Variants in PRH1 observed in about 807,000 individuals in gnomAD.
PRH1 encodes proline rich protein HaeIII subfamily 1, also known as salivary acidic proline-rich phosphoprotein 1/2.
A neutral mutation model predicts 7.9 loss-of-function variants in PRH1; 7 were observed. The observed-to-expected ratio is 0.89, with a 90% CI of 0.50 to 1.67. The LOEUF is 1.67. Among genes scored for constraint, PRH1 ranks in the 40% most tolerant of loss-of-function variants. The pLI is 0.00. For synonymous variants in PRH1, 45 were observed against 80.8 expected, an observed-to-expected ratio of 0.56 and a Z score of 2.38; for missense variants, 109 against 223.6, an observed-to-expected ratio of 0.49 and a Z score of 3.27.
At chr12:10,989,055 G>A (rs200683424) in intron 1 of PRH1, among the ~76,000 whole-genome samples, 108 of 152,208 alleles carry the variant, frequency 7.1e-4, no homozygotes, top group East Asian at 5.4e-3. Context: ...TGATCCACCC[G>A]CCTCGGCCTC....
downstream of PRH1, among the ~76,000 whole-genome samples, chr12:11,116,109 C>CCTGTTTT (rs1945724295): frequency 6.6e-6 from 1 of 151,776 alleles, no homozygotes; most frequent in African/African-American, 2.4e-5. Context: ...GAAACAAAAA[C>CCTGTTTT]CTGTTTTCTT....
intron 1 of PRH1, among the ~76,000 whole-genome samples, chr12:11,113,646 T>C (rs1337826434): frequency 2.6e-5 from 4 of 152,178 alleles, no homozygotes; most frequent in African/African-American, 7.2e-5. Flanking sequence ...ATTCAGGACG[T>C]AGGCATGAGC....
chr12:11,111,041 C>G (rs1301077346), intron 1 of PRH1, among the ~76,000 whole-genome samples: 1 of 151,872 alleles, frequency 6.6e-6, no homozygotes, highest in African/African-American at 2.4e-5. Flanking sequence ...CAACAAAGGT[C>G]AAAAAAGACA....
chr12:11,117,729 C>T (rs547568912), downstream of PRH1, among the ~76,000 whole-genome samples: 6 of 152,184 alleles, frequency 3.9e-5, no homozygotes, highest in East Asian at 9.6e-4. Context: ...ACACATAGAA[C>T]GATGGAACAG....
intron 2 of PRH1, among the ~76,000 whole-genome samples, chr12:10,905,141 T>C (rs1170593810): frequency 6.6e-6 from 1 of 151,820 alleles, no homozygotes; most frequent in East Asian, 1.9e-4. Context: ...GAACTTAAAA[T>C]AAACTACCAT....
chr12:11,051,151 C>A (rs796122634), upstream of PRH1, among the ~76,000 whole-genome samples: 1 of 124,590 alleles, frequency 8.0e-6, no homozygotes, highest in Non-Finnish European at 1.8e-5. Flanking sequence ...ATGTCCACCC[C>A]TGTTGTGTCA....
At chr12:11,083,367 A>C in intron 1 of PRH1, among the ~76,000 whole-genome samples, 2 of 118,478 alleles carry the variant, frequency 1.7e-5, no homozygotes, top group Admixed American at 8.3e-5. Flanking sequence ...AAAAGTTTAA[A>C]ATTTTTCTTG....
At chr12:10,921,628 C>T (rs762314410) in intron 2 of PRH1, among the ~76,000 whole-genome samples, 11 of 151,956 alleles carry the variant, frequency 7.2e-5, no homozygotes, top group Non-Finnish European at 1.2e-4. Flanking sequence ...TTTATTTATT[C>T]ATTCATTTAT....
chr12:11,022,313 C>T (rs746050180), intron 1 of PRH1: 1 of 1,614,136 alleles, frequency 6.2e-7, no homozygotes, highest in Non-Finnish European at 8.5e-7. Flanking sequence ...ACAGCCCAGG[C>T]ATTAGAAGCA....
intron 2 of PRH1, among the ~76,000 whole-genome samples, chr12:10,944,922 T>C (rs1950462387): frequency 6.6e-6 from 1 of 152,098 alleles, no homozygotes; most frequent in African/African-American, 2.4e-5. Flanking sequence ...TTGATCATGG[T>C]GGATTAGCTT....
At chr12:11,143,164 G>A (rs1315585439) in intron 1 of PRH1, among the ~76,000 whole-genome samples, 2 of 152,108 alleles carry the variant, frequency 1.3e-5, no homozygotes, top group African/African-American at 4.8e-5. Context: ...ACAGCACAAT[G>A]ATATATAAAT....
exon 1 of PRH1, chr12:11,047,070 A>C: frequency 2.0e-6 from 1 of 500,724 alleles, no homozygotes; most frequent in Non-Finnish European, 4.2e-6. Flanking sequence ...ACTAGCCTTC[A>C]TGATGTGTTA....
At chr12:11,114,487 C>T (rs112468692) in intron 1 of PRH1, among the ~76,000 whole-genome samples, 17 of 152,096 alleles carry the variant, frequency 1.1e-4, no homozygotes, top group African/African-American at 3.4e-4. Context: ...ACACAGGGAA[C>T]GTCACACAAC....
chr12:10,957,083 GAA>G (rs369633787), intron 2 of PRH1, among the ~76,000 whole-genome samples: 3 of 139,126 alleles, frequency 2.2e-5, no homozygotes. Context: ...CACTGGGAAT[GAA>G]AAAAAAAAAG....
intron 1 of PRH1, chr12:10,985,967 C>T: frequency 1.2e-6 from 2 of 1,609,752 alleles, no homozygotes; most frequent in East Asian, 2.2e-5. Context: ...TTACTCAGCA[C>T]CTAATCTGAC....
chr12:11,165,752 T>C (rs1285082325), intron 1 of PRH1, among the ~76,000 whole-genome samples: 1 of 152,330 alleles, frequency 6.6e-6, no homozygotes, highest in South Asian at 2.1e-4. Context: ...CTGTAGTTTA[T>C]CTGTATTTAG....
At chr12:11,027,962 T>C (rs369350049) in intron 1 of PRH1, among the ~76,000 whole-genome samples, 2 of 152,238 alleles carry the variant, frequency 1.3e-5, no homozygotes, top group Non-Finnish European at 1.5e-5. Context: ...GGACGTCATA[T>C]GCTCATAAAG....
At chr12:11,102,488 T>C (rs751805065) in intron 1 of PRH1, among the ~76,000 whole-genome samples, 3 of 152,130 alleles carry the variant, frequency 2.0e-5, no homozygotes, top group Non-Finnish European at 4.4e-5. Flanking sequence ...TGGCTAGCCA[T>C]ATGTAGAAAG....
rs1187106598 is a variant in PRH1 at position 11,097,317 on chromosome 12, T to A, written n.124-50129A>T. The A allele has an allele frequency of 3.5e-5, 5 of 142,388 alleles. 2 individuals carry two copies. Among genetic ancestry groups the A allele is most frequent in the African/African-American group, 5.7e-5 (2 of 34,796 alleles). 8.8% of individuals were successfully genotyped at this position (142,388 alleles called of 1,614,324 possible). On this transcript the variant is annotated intron_variant and non_coding_transcript_variant, in intron 1 of 4. Transcript: ENST00000541977. ...TAGTTTTGGTTATAGAACTACAACC[T>A]TCTAACTCCATCATCACTCACTCAA...
Sources: gnomAD v4.1 joint callset for allele counts (sites outside exome capture counted in the v4.1 genomes callset) on GRCh38, gnomAD v4.1.1 for gene constraint, MANE v1.5 for transcripts, NCBI Gene and HGNC (gene_info 2026-07-23, HGNC 2026-07-21) for gene names.